Variants in DPP6 observed in about 807,000 individuals in gnomAD.
DPP6 encodes the protein A-type potassium channel modulatory protein DPP6.
A neutral mutation model predicts 122.6 loss-of-function variants in DPP6; 69 were observed. That is an observed-to-expected ratio of 0.56 (90% CI 0.46 to 0.69). The LOEUF (loss-of-function observed/expected upper bound fraction) is 0.69, where lower values mean the gene tolerates loss of function less well. Among genes scored for constraint, DPP6 ranks in the 30% least tolerant of loss-of-function variants. The pLI is 0.00. For synonymous variants in DPP6, 418 were observed against 433.1 expected (o/e 0.97, Z 0.43); for missense variants, 928 against 1,116.9 (o/e 0.83, Z 2.41).
At chr7:153,988,513 T>C (rs1796959774) in intron 1 of DPP6, among the ~76,000 whole-genome samples, 1 of 152,176 alleles carries the variant, frequency 6.6e-6, no homozygotes, top group African/African-American at 2.4e-5. Context: ...CATTTGTTTG[T>C]CTTCCAAGTT....
At chr7:154,229,101 C>G (rs1019081506) in intron 1 of DPP6, among the ~76,000 whole-genome samples, 1 of 152,092 alleles carries the variant, frequency 6.6e-6, no homozygotes, top group African/African-American at 2.4e-5. Context: ...AAAGCTTTGG[C>G]TCTCTCATAA....
intron 1 of DPP6, among the ~76,000 whole-genome samples, chr7:153,902,221 A>G (rs528736694): frequency 4.1e-4 from 62 of 152,358 alleles, no homozygotes; most frequent in African/African-American, 1.4e-3. Context: ...CAAGATAAAC[A>G]GTAGCTCACC....
chr7:153,895,850 A>G (rs946643421), intron 1 of DPP6, among the ~76,000 whole-genome samples: 3 of 152,228 alleles, frequency 2.0e-5, no homozygotes, highest in South Asian at 4.1e-4. Flanking sequence ...TGTGGGTGCA[A>G]TCACTTTGAC....
chr7:154,610,106 C>A (rs1833813745), intron 5 of DPP6, among the ~76,000 whole-genome samples: 1 of 152,110 alleles, frequency 6.6e-6, no homozygotes, highest in South Asian at 2.1e-4. Flanking sequence ...TAGTCTCTGA[C>A]CCCTGGAAGA....
chr7:153,765,574 C>T, the DPP6 span, among the ~76,000 whole-genome samples: 24 of 151,388 alleles, frequency 1.6e-4, no homozygotes, highest in East Asian at 4.5e-3. Context: ...GAAAAAAACA[C>T]CTAGGTAGTT....
chr7:154,748,438 A>G (rs1587010443), intron 8 of DPP6, among the ~76,000 whole-genome samples: 1 of 152,124 alleles, frequency 6.6e-6, no homozygotes, highest in East Asian at 1.9e-4. Flanking sequence ...CGCCACCCAC[A>G]CTGTGCTCCT....
At chr7:154,626,598 C>G (rs1372441414) in intron 5 of DPP6, among the ~76,000 whole-genome samples, 1 of 152,172 alleles carries the variant, frequency 6.6e-6, no homozygotes, top group African/African-American at 2.4e-5. Flanking sequence ...AAGTAGAAGT[C>G]GTTTGAGATA....
At chr7:153,883,170 C>T (rs983381125), upstream of DPP6, among the ~76,000 whole-genome samples, 1 of 152,110 alleles carries the variant, frequency 6.6e-6, no homozygotes, top group African/African-American at 2.4e-5. Flanking sequence ...AAATATAGGA[C>T]CACCTTCACA....
intron 1 of DPP6, among the ~76,000 whole-genome samples, chr7:153,933,492 T>G (rs1801272410): frequency 6.6e-6 from 1 of 152,220 alleles, no homozygotes; most frequent in African/African-American, 2.4e-5. Context: ...CACGAACACT[T>G]CTGCCATCTT....
At chr7:154,505,339 T>C (rs1825582806) in intron 3 of DPP6, among the ~76,000 whole-genome samples, 4 of 152,352 alleles carry the variant, frequency 2.6e-5, no homozygotes, top group African/African-American at 7.2e-5. Context: ...CCTATTATTA[T>C]CATCTTATAT....
At chr7:153,957,906 G>A (rs1795140307) in intron 1 of DPP6, among the ~76,000 whole-genome samples, 1 of 152,194 alleles carries the variant, frequency 6.6e-6, no homozygotes, top group African/African-American at 2.4e-5. Context: ...GCTCACACCT[G>A]TAATCCCAGC....
chr7:154,837,221 TGC>T (rs1491497453), intron 16 of DPP6, among the ~76,000 whole-genome samples: 1 of 146,014 alleles, frequency 6.8e-6, no homozygotes, highest in Non-Finnish European at 1.5e-5. Context: ...TGCACACACA[TGC>T]ACACACACAC....
the DPP6 span, among the ~76,000 whole-genome samples, chr7:153,862,903 A>T: frequency 3.3e-5 from 5 of 152,190 alleles, no homozygotes; most frequent in Non-Finnish European, 7.4e-5. Context: ...TGCAAAAAAA[A>T]TCATGCAAAT....
chr7:153,826,004 G>A, the DPP6 span, among the ~76,000 whole-genome samples: 2 of 152,282 alleles, frequency 1.3e-5, no homozygotes, highest in East Asian at 3.9e-4. Flanking sequence ...AAGCATGCTT[G>A]CCTGGTACCA....
rs1321274742 is a variant in DPP6 at position 154,241,247 on chromosome 7, A to G, written c.243+188184A>G. Among the ~76,000 whole-genome samples, 1 of 151,548 alleles carries G rather than the reference A, an allele frequency of 6.6e-6. No individual in the cohort carries two copies. Among genetic ancestry groups the G allele is most frequent in the African/African-American group, 2.4e-5 (1 of 41,226 alleles). ...TATATATATAGAGAGAGAGAGAGAC[A>G]CTTTTATCCATTTAGGAAGACAAAC... is the stretch of plus-strand genomic sequence containing the variant. On this transcript the variant is annotated intron_variant, in intron 1 of 25. Coordinates refer to ENST00000377770, the MANE Select transcript of DPP6 (RefSeq NM_130797.4). The surrounding 1 kb of genome is among the most constrained non-coding windows in gnomAD (Gnocchi z 9.0).
chr7:154,294,148 C>A (rs949856161), intron 1 of DPP6, among the ~76,000 whole-genome samples: 1 of 152,172 alleles, frequency 6.6e-6, no homozygotes, highest in Non-Finnish European at 1.5e-5. Flanking sequence ...CTTACCTGGT[C>A]CCTGCCACGG....
At chr7:153,823,695 A>G in the DPP6 span, among the ~76,000 whole-genome samples, 189 of 151,842 alleles carry the variant, frequency 1.2e-3, no homozygotes, top group African/African-American at 3.6e-3. Context: ...AGCTGGGAAG[A>G]TTCCATGTCT....
At chr7:153,827,314 T>A in the DPP6 span, among the ~76,000 whole-genome samples, 1 of 152,182 alleles carries the variant, frequency 6.6e-6, no homozygotes, top group Non-Finnish European at 1.5e-5. Context: ...ATTTAAAGTT[T>A]ATGTCATATG....
At chr7:154,568,305 G>A (rs1270023645) in intron 5 of DPP6, among the ~76,000 whole-genome samples, 3 of 152,242 alleles carry the variant, frequency 2.0e-5, no homozygotes, top group Non-Finnish European at 2.9e-5. Context: ...TTACATGGAT[G>A]TGTTCTGGTT....
Sources: gnomAD v4.1 joint callset for allele counts (sites outside exome capture counted in the v4.1 genomes callset) on GRCh38, gnomAD v4.1.1 for gene constraint, Gnocchi (gnomAD v3.1) non-coding constraint, MANE v1.5 for transcripts, NCBI Gene and HGNC (gene_info 2026-07-23, HGNC 2026-07-21) for gene names.